The following TCF7 variants were observed in gnomAD, a reference collection of about 807,000 sequenced individuals.
TCF7 encodes the protein T-cell-factor-7.
TCF7 carries 19 observed loss-of-function variants against 46.8 expected under a neutral mutation model. The ratio of observed to expected loss-of-function variants is 0.41; its 90% CI spans 0.28 to 0.60. TCF7 has a LOEUF of 0.60. Among genes scored for constraint, TCF7 ranks in the 20% least tolerant of loss-of-function variants. The probability of loss-of-function intolerance (pLI) is 0.35; values close to 1 mark genes in which losing one functional copy is unlikely to be tolerated. For missense variants in TCF7, 547 were observed against 504.6 expected (o/e 1.08, Z -0.81); for synonymous variants, 245 against 213.4 (o/e 1.15, Z -1.29).
rs767372714 is a variant in TCF7 at position 134,142,733 on chromosome 5, A to C, written c.768A>C (p.Ala256=). ...QPFDRNLKTQ[A]ESKAEKEAKK... is the part of the protein sequence containing the mutation. Reference sequence around the variant, plus strand: ...TTGTGCCCCTCAGGAAGACACAAGCAGAGTCCAAGGCAGAGAAGGAGGCCA... The same window carrying C: ...TTGTGCCCCTCAGGAAGACACAAGCCGAGTCCAAGGCAGAGAAGGAGGCCA... Residue 256 remains alanine, a synonymous_variant, in exon 7 of 10, where the codon GCA becomes GCC. Transcript: ENST00000342854. 1.2e-6 allele frequency: 2 copies of C among 1,613,980 alleles called. No individual in the cohort carries two copies. The highest frequency in any genetic ancestry group is 1.7e-6 in the Non-Finnish European group (2 of 1,179,976).
intron 9 of TCF7, chr5:134,145,082 GAA>G: frequency 1.6e-6 from 1 of 637,798 alleles, no homozygotes; most frequent in African/African-American, 1.8e-5. Flanking sequence ...GGATTGGAGA[GAA>G]AGACACAGAA....
intron 5 of TCF7, chr5:134,139,690 C>T (rs1759440592): frequency 6.6e-6 from 1 of 152,558 alleles, no homozygotes; most frequent in African/African-American, 2.4e-5. Flanking sequence ...GCCCTTTACT[C>T]ATCAACGATA....
intron 3 of TCF7, among the ~76,000 whole-genome samples, chr5:134,130,036 G>T (rs535756901): frequency 6.6e-6 from 1 of 152,252 alleles, no homozygotes; most frequent in East Asian, 1.9e-4. Flanking sequence ...CATCCAGCAC[G>T]CTGTGGGCAG....
chr5:134,145,084 A>G, intron 9 of TCF7: 5 of 639,662 alleles, frequency 7.8e-6, no homozygotes, highest in South Asian at 5.0e-5. Context: ...ATTGGAGAGA[A>G]AGACACAGAA....
intron 3 of TCF7, among the ~76,000 whole-genome samples, chr5:134,129,981 C>T (rs1304361247): frequency 1.3e-5 from 2 of 152,262 alleles, no homozygotes; most frequent in Non-Finnish European, 2.9e-5. Context: ...CACGCATCCA[C>T]ACTCTGTGCT....
rs573403303 is a variant in TCF7, at chr5:134,123,394, C to T, written c.441+7361C>T. ...CCCTCTGCCCTTCCAGAGCTCAGTCCTGGGAGACAAAGAGACTTTCACTGG... is the reference window on the plus strand; with the variant it reads ...CCCTCTGCCCTTCCAGAGCTCAGTCTTGGGAGACAAAGAGACTTTCACTGG... On this transcript the variant is annotated intron_variant, in intron 3 of 9. Coordinates refer to ENST00000342854, the MANE Select transcript of TCF7 (RefSeq NM_003202.5). Among the ~76,000 whole-genome samples, 180 of 152,320 alleles carry T rather than the reference C, an allele frequency of 1.2e-3. 1 individual carries two copies. The highest frequency in any genetic ancestry group is 4.3e-3 in the African/African-American group (177 of 41,556).
chr5:134,134,778 A>C (rs184673368), intron 3 of TCF7, among the ~76,000 whole-genome samples: 2 of 152,330 alleles, frequency 1.3e-5, no homozygotes, highest in East Asian at 3.9e-4. Context: ...AAGGTCAGCA[A>C]GCCTAGAGCC....
intron 3 of TCF7, among the ~76,000 whole-genome samples, chr5:134,134,227 GA>G (rs1372040358): frequency 1.3e-5 from 2 of 152,264 alleles, no homozygotes; most frequent in African/African-American, 4.8e-5. Context: ...TGTCTTCCAA[GA>G]GCTGGCACCG....
intron 3 of TCF7, among the ~76,000 whole-genome samples, chr5:134,125,375 C>T (rs1461182182): frequency 6.6e-6 from 1 of 152,250 alleles, no homozygotes; most frequent in Non-Finnish European, 1.5e-5. Context: ...CTGACCTCTG[C>T]ACGCACACCC....
upstream of TCF7, among the ~76,000 whole-genome samples, chr5:134,109,752 A>C (rs1755306644): frequency 6.9e-6 from 1 of 144,432 alleles, no homozygotes; most frequent in South Asian, 2.2e-4. Context: ...CCTAGGCAAT[A>C]AAAGCAAGGC....
upstream of TCF7, among the ~76,000 whole-genome samples, chr5:134,113,260 A>C (rs1755381766): frequency 6.6e-6 from 1 of 152,088 alleles, no homozygotes; most frequent in Non-Finnish European, 1.5e-5. Context: ...GCCACCCCCC[A>C]GCCCCAGCCT....
chr5:134,129,853 C>T (rs1757867720), intron 3 of TCF7, among the ~76,000 whole-genome samples: 1 of 152,238 alleles, frequency 6.6e-6, no homozygotes, highest in Admixed American at 6.5e-5. Flanking sequence ...TGGCCACACG[C>T]ACCTAGCAGA....
intron 3 of TCF7, among the ~76,000 whole-genome samples, chr5:134,123,135 C>T (rs1044465588): frequency 2.0e-5 from 3 of 152,274 alleles, no homozygotes; most frequent in Non-Finnish European, 2.9e-5. Context: ...TGAGTGGCAG[C>T]GGTGGTAGAG....
chr5:134,145,328 A>G (rs747342713), intron 9 of TCF7: 1 of 539,832 alleles, frequency 1.9e-6, no homozygotes, highest in Non-Finnish European at 3.6e-6. Flanking sequence ...ACACAGAACC[A>G]TCTGGTTGCC....
At chr5:134,139,327 T>G in intron 5 of TCF7, 1 of 422,692 alleles carries the variant, frequency 2.4e-6, no homozygotes, top group Non-Finnish European at 4.3e-6. Flanking sequence ...TCCCCTTAGA[T>G]GGGAGAACTC....
chr5:134,122,429 A>G (rs1756727752), intron 3 of TCF7, among the ~76,000 whole-genome samples: 1 of 152,114 alleles, frequency 6.6e-6, no homozygotes, highest in Non-Finnish European at 1.5e-5. Context: ...ACACGGGAAT[A>G]TTCATACCAG....
At chr5:134,118,989 C>T (rs551173124) in intron 3 of TCF7, among the ~76,000 whole-genome samples, 12 of 152,258 alleles carry the variant, frequency 7.9e-5, no homozygotes, top group Admixed American at 7.8e-4. Context: ...CACTGTGTTG[C>T]CTGGACTTTG....
chr5:134,143,468 G>A, intron 8 of TCF7, 124 bp from the exon 9 acceptor site: 1 of 1,141,046 alleles, frequency 8.8e-7, no homozygotes, highest in Non-Finnish European at 1.3e-6. Flanking sequence ...AGAAACACCA[G>A]CACCCCAAGG....
At chr5:134,133,830 A>G (rs1356813395) in intron 3 of TCF7, among the ~76,000 whole-genome samples, 1 of 152,182 alleles carries the variant, frequency 6.6e-6, no homozygotes, top group East Asian at 1.9e-4. Flanking sequence ...AGGAAGGCTG[A>G]TAGACAGAAT....
Sources: gnomAD v4.1 joint callset for allele counts (sites outside exome capture counted in the v4.1 genomes callset) on GRCh38, gnomAD v4.1.1 for gene constraint, MANE v1.5 for transcripts, NCBI Gene and HGNC (gene_info 2026-07-23, HGNC 2026-07-21) for gene names.